ZNF618: variants seen among roughly 807,000 people sequenced by gnomAD.
The protein encoded by ZNF618 is neural precursor cell expressed, developmentally down-regulated 10.
In ZNF618, 34 loss-of-function variants were observed where a neutral mutation model predicts 103.0. That is an observed-to-expected ratio of 0.33 (90% CI 0.25 to 0.44). ZNF618 has a LOEUF of 0.44. Ranked by LOEUF, ZNF618 falls within the 20% of genes least tolerant of loss-of-function variation. The pLI is 1.00. For synonymous variants in ZNF618, 551 were observed against 542.2 expected (o/e 1.02, Z -0.23); for missense variants, 1,059 against 1,295.4 (o/e 0.82, Z 2.80).
intron 1 of ZNF618, among the ~76,000 whole-genome samples, chr9:113,915,330 C>CA (rs1385299015): frequency 1.3e-5 from 2 of 152,100 alleles, no homozygotes; most frequent in African/African-American, 4.8e-5. Flanking sequence ...TTGACATCCG[C>CA]TACTGTCAAA....
At chr9:113,952,081 T>A (rs1313049537) in intron 1 of ZNF618, among the ~76,000 whole-genome samples, 2 of 152,110 alleles carry the variant, frequency 1.3e-5, no homozygotes, top group African/African-American at 4.8e-5. Context: ...CATTAACTGT[T>A]TTTTCTTTTT....
At chr9:113,894,373 A>G (rs955501145) in intron 1 of ZNF618, among the ~76,000 whole-genome samples, 1 of 152,222 alleles carries the variant, frequency 6.6e-6, no homozygotes, top group Non-Finnish European at 1.5e-5. Context: ...CTGAATCAAT[A>G]TGAATTTTGT....
Position 113,960,022 on chromosome 9 carries a change from A to G in ZNF618, c.34-9095A>G, listed in dbSNP as rs1369860918. Reference sequence around the variant, plus strand: ...GCATGAAGGAAACGAGGCCCTCTGCACATAATCTAAGACTGGCAGAGGTTT... The same window carrying G: ...GCATGAAGGAAACGAGGCCCTCTGCGCATAATCTAAGACTGGCAGAGGTTT... On this transcript the variant is annotated intron_variant, in intron 1 of 14. Transcript: ENST00000374126. Among the ~76,000 whole-genome samples, 4 of 152,354 alleles carry G rather than the reference A, an allele frequency of 2.6e-5. No individual in the cohort carries two copies. In the South Asian group the frequency reaches 6.2e-4, roughly 24 times the overall value.
intron 10 of ZNF618, among the ~76,000 whole-genome samples, chr9:114,025,667 C>T (rs1439191591): frequency 2.0e-5 from 3 of 152,050 alleles, no homozygotes; most frequent in Non-Finnish European, 4.4e-5. Context: ...CCAGCCCAAC[C>T]CACCCTGTGA....
Position 114,055,951 on chromosome 9 carries a change from A to T in ZNF618, c.*5784A>T, listed in dbSNP as rs866835846. 1.9e-4 allele frequency: 29 copies of T among 150,718 alleles called. No individual in the cohort carries two copies. The highest frequency in any genetic ancestry group is 5.3e-4 in the Admixed American group (8 of 14,980). The allele number at this position is 150,718 out of a possible 1,614,324, so 9.3% of individuals were successfully genotyped here. ...GGGTTTAGGCAGGGCCATCTTGGGG[A>T]CCCTGTGTACCATGTACTGTATTTA... is the stretch of plus-strand genomic sequence containing the variant. On this transcript the variant is annotated 3_prime_UTR_variant, in exon 15 of 15. Transcript: ENST00000374126.
In ZNF618 at chr9:114,049,416, A is replaced by G; in HGVS notation, c.2114A>G (p.His705Arg). 3 of 1,602,832 alleles carry G rather than the reference A, an allele frequency of 1.9e-6. No individual in the cohort carries two copies. Among genetic ancestry groups the G allele is most frequent in the South Asian group, 1.1e-5 (1 of 89,334 alleles). ...NSVTDSLLLV[H>R]ERYEQICEFY... ...GTGACGGACTCACTGTTGCTGGTGCATGAGCGCTATGAGCAGATCTGCGAG... is the reference window on the plus strand; with the variant it reads ...GTGACGGACTCACTGTTGCTGGTGCGTGAGCGCTATGAGCAGATCTGCGAG... The change falls in exon 15 of 15, where the codon CAT (histidine) becomes CGT (arginine). Residue 705 changes from histidine (H) to arginine (R), a missense_variant. Transcript: ENST00000374126.
chr9:113,948,059 T>C (rs181464155), intron 1 of ZNF618, among the ~76,000 whole-genome samples: 64 of 152,342 alleles, frequency 4.2e-4, no homozygotes, highest in Admixed American at 1.1e-3. Flanking sequence ...AGAGATGCTG[T>C]TGGCCTCTCT....
At position 113,951,573 on chromosome 9, in the gene ZNF618, GTATA is replaced by G. The variant is rs376623860; in HGVS notation, c.34-17542_34-17539del. 9.5e-5 allele frequency among the ~76,000 whole-genome samples: 5 copies of G among 52,868 alleles called. 1 individual carries two copies. Among genetic ancestry groups the G allele is most frequent in the Admixed American group, 3.9e-4 (2 of 5,082 alleles). The allele number at this position is 52,868 out of a possible 152,430, so 34.7% of individuals were successfully genotyped here. ...CATATGTGTGTGTATATGTGTGTGT[GTATA>G]TGTGTGTGTGTGTGTGTGTGTATAT... On this transcript the variant is annotated intron_variant, in intron 1 of 14. Coordinates refer to ENST00000374126, the MANE Select transcript of ZNF618 (RefSeq NM_001318042.2).
chr9:113,923,915 A>G (rs1228850664), intron 1 of ZNF618, among the ~76,000 whole-genome samples: 3 of 152,096 alleles, frequency 2.0e-5, no homozygotes, highest in Non-Finnish European at 1.5e-5. Flanking sequence ...GAAATGCTTC[A>G]GTGAGCATTT....
chr9:113,936,702 T>TA (rs1262275885), intron 1 of ZNF618, among the ~76,000 whole-genome samples: 2 of 152,212 alleles, frequency 1.3e-5, no homozygotes, highest in East Asian at 3.8e-4. Context: ...CCGGCAATAA[T>TA]ACCAGAACCT....
chr9:114,028,315 C>A (rs187013561), intron 10 of ZNF618: 2,953 of 185,380 alleles, frequency 0.016, 89 homozygotes, highest in African/African-American at 0.064. Context: ...CTGCCTCACC[C>A]CCAGCCCCGG....
intron 1 of ZNF618, among the ~76,000 whole-genome samples, chr9:113,903,247 A>C (rs1455659206): frequency 6.6e-6 from 1 of 152,238 alleles, no homozygotes; most frequent in African/African-American, 2.4e-5. Flanking sequence ...AAATAAGTGG[A>C]ATGAAGAATA....
In ZNF618 at chr9:114,055,488, T is replaced by G. The variant is rs1204843507; in HGVS notation, c.*5321T>G. The G allele has an allele frequency of 6.5e-6, 1 of 152,692 alleles. No individual in the cohort carries two copies. The highest frequency in any genetic ancestry group is 2.4e-5 in the African/African-American group (1 of 41,456). The allele number at this position is 152,692 out of a possible 1,614,324, so 9.5% of individuals were successfully genotyped here. A position where few individuals can be genotyped will look rare whatever the true frequency, so the allele number is the denominator to read the frequency against. Reference sequence around the variant, plus strand: ...AAGCGTAAATTATTTTCAGTTGTTTTCTGATCCTGCCTTTTTCTTTTCCCC... The same window carrying G: ...AAGCGTAAATTATTTTCAGTTGTTTGCTGATCCTGCCTTTTTCTTTTCCCC... On this transcript the variant is annotated 3_prime_UTR_variant, in exon 15 of 15. Coordinates refer to ENST00000374126, the MANE Select transcript of ZNF618 (RefSeq NM_001318042.2).
chr9:113,900,531 C>A (rs1262584468), intron 1 of ZNF618, among the ~76,000 whole-genome samples: 1 of 152,128 alleles, frequency 6.6e-6, no homozygotes, highest in Non-Finnish European at 1.5e-5. Flanking sequence ...GAGGCAGCAA[C>A]CCAAGAGAAC....
intron 1 of ZNF618, among the ~76,000 whole-genome samples, chr9:113,890,582 C>T (rs1425061950): frequency 6.6e-6 from 1 of 152,178 alleles, no homozygotes; most frequent in Non-Finnish European, 1.5e-5. Flanking sequence ...ACATCTTTTT[C>T]GTACAGCTTC....
chr9:113,891,113 TTTATA>T (rs1343036362), intron 1 of ZNF618, among the ~76,000 whole-genome samples: 1 of 152,182 alleles, frequency 6.6e-6, no homozygotes, highest in Non-Finnish European at 1.5e-5. Flanking sequence ...TTTAAAAATA[TTTATA>T]TTTGTGTGTT....
chr9:113,909,430 A>C (rs558046404), intron 1 of ZNF618, among the ~76,000 whole-genome samples: 10 of 152,222 alleles, frequency 6.6e-5, no homozygotes, highest in South Asian at 4.2e-4. Context: ...TGCGCTCTGT[A>C]TGTGCTACGA....
chr9:113,959,582 G>A (rs1387918002), intron 1 of ZNF618, among the ~76,000 whole-genome samples: 4 of 152,034 alleles, frequency 2.6e-5, no homozygotes, highest in Non-Finnish European at 4.4e-5. Flanking sequence ...ACCTCTCTGC[G>A]GATTTCCCCC....
chr9:114,019,763 T>G lies in ZNF618; in HGVS notation c.844+2979T>G, dbSNP rs142280721. On this transcript the variant is annotated intron_variant, in intron 10 of 14. Coordinates refer to ENST00000374126, the MANE Select transcript of ZNF618 (RefSeq NM_001318042.2). Reference sequence around the variant, plus strand: ...AGGCCTGGGTTCTTTGCCAGATACATGTACTGTGGATTTTTCTCCTAGTCT... The same window carrying G: ...AGGCCTGGGTTCTTTGCCAGATACAGGTACTGTGGATTTTTCTCCTAGTCT... Among the ~76,000 whole-genome samples, 7 of 152,330 alleles carry G rather than the reference T, an allele frequency of 4.6e-5. No individual in the cohort carries two copies. The East Asian group carries it at 9.6e-4, about 21-fold the overall frequency.
Sources: gnomAD v4.1 joint callset for allele counts (sites outside exome capture counted in the v4.1 genomes callset) on GRCh38, gnomAD v4.1.1 for gene constraint, MANE v1.5 for transcripts, NCBI Gene and HGNC (gene_info 2026-07-23, HGNC 2026-07-21) for gene names.